PRKN: variants seen among roughly 807,000 people sequenced by gnomAD.
PRKN encodes the protein parkin RBR E3 ubiquitin protein ligase.
Under a neutral mutation model 59.5 loss-of-function variants are expected in PRKN, and 56 were observed. That is an observed-to-expected ratio of 0.94 (90% CI 0.76 to 1.18). The LOEUF (loss-of-function observed/expected upper bound fraction) is 1.18, where lower values mean the gene tolerates loss of function less well. PRKN is among the 50% of genes most tolerant of loss of function. The pLI, the probability that PRKN is intolerant of heterozygous loss-of-function variation, is 0.00. For missense variants in PRKN, 657 were observed against 596.4 expected, an observed-to-expected ratio of 1.10 and a Z score of -1.06; for synonymous variants, 250 against 222.1, an observed-to-expected ratio of 1.13 and a Z score of -1.12.
intron 6 of PRKN, among the ~76,000 whole-genome samples, chr6:161,848,330 T>C (rs753195100): frequency 6.6e-6 from 1 of 152,218 alleles, no homozygotes; most frequent in Non-Finnish European, 1.5e-5. Flanking sequence ...GTCACAAATA[T>C]CTGGATAATT....
chr6:161,890,550 G>T (rs950482322), intron 6 of PRKN, among the ~76,000 whole-genome samples: 1 of 152,190 alleles, frequency 6.6e-6, no homozygotes, highest in Admixed American at 6.5e-5. Flanking sequence ...CATGCGGCCG[G>T]ATTTAAGCCT....
intron 5 of PRKN, among the ~76,000 whole-genome samples, chr6:161,984,993 T>C (rs1487739332): frequency 6.6e-6 from 1 of 152,148 alleles, no homozygotes; most frequent in Non-Finnish European, 1.5e-5. Flanking sequence ...ACAGCAACCA[T>C]GTTTTTTTCT....
At chr6:161,877,521 G>A (rs527392766) in intron 6 of PRKN, among the ~76,000 whole-genome samples, 38 of 150,514 alleles carry the variant, frequency 2.5e-4, no homozygotes, top group Middle Eastern at 3.2e-3. Context: ...GTGCAGTGGC[G>A]CGATCTCAGC....
At chr6:162,168,066 T>C (rs1159423774) in intron 4 of PRKN, among the ~76,000 whole-genome samples, 1 of 152,146 alleles carries the variant, frequency 6.6e-6, no homozygotes, top group Non-Finnish European at 1.5e-5. Context: ...TTAGGGGCAA[T>C]CTGCTCTTCT....
intron 6 of PRKN, among the ~76,000 whole-genome samples, chr6:161,903,907 A>G (rs1778031059): frequency 6.6e-6 from 1 of 151,620 alleles, no homozygotes; most frequent in Non-Finnish European, 1.5e-5. Flanking sequence ...CTATGGCTGC[A>G]GTTTCGTCTG....
intron 2 of PRKN, among the ~76,000 whole-genome samples, chr6:162,437,940 T>C (rs1411849242): frequency 6.6e-6 from 1 of 152,186 alleles, no homozygotes; most frequent in African/African-American, 2.4e-5. Flanking sequence ...CTAGGATAAA[T>C]AACTAAGAGT....
chr6:162,571,045 T>C (rs9458607), intron 1 of PRKN, among the ~76,000 whole-genome samples: 80,746 of 151,910 alleles, frequency 0.53, 21,762 homozygotes, highest in East Asian at 0.71. Context: ...ATCTCATGGC[T>C]GGGCACAGTG....
At chr6:162,073,426 T>C (rs1778668501) in intron 4 of PRKN, among the ~76,000 whole-genome samples, 1 of 152,140 alleles carries the variant, frequency 6.6e-6, no homozygotes, top group South Asian at 2.1e-4. Flanking sequence ...ACTACCTCTA[T>C]AGCTTTGGGT....
At chr6:162,588,752 C>T (rs371236645) in intron 1 of PRKN, among the ~76,000 whole-genome samples, 4 of 152,054 alleles carry the variant, frequency 2.6e-5, no homozygotes, top group African/African-American at 4.8e-5. Flanking sequence ...TGGGTTTCAC[C>T]GTGTTAGCCA....
chr6:162,026,742 C>T (rs1011343598), intron 5 of PRKN, among the ~76,000 whole-genome samples: 8 of 151,974 alleles, frequency 5.3e-5, no homozygotes, highest in African/African-American at 1.7e-4. Flanking sequence ...TGCTGTTGTA[C>T]GTTCTCCAAC....
At chr6:162,363,560 A>G (rs987878019) in intron 2 of PRKN, among the ~76,000 whole-genome samples, 3 of 152,132 alleles carry the variant, frequency 2.0e-5, no homozygotes, top group African/African-American at 4.8e-5. Flanking sequence ...TTTCATTTCT[A>G]TGCTACTTTT....
At chr6:162,576,209 A>G (rs1780548357) in intron 1 of PRKN, among the ~76,000 whole-genome samples, 1 of 152,140 alleles carries the variant, frequency 6.6e-6, no homozygotes, top group Non-Finnish European at 1.5e-5. Context: ...TGTACCATTG[A>G]ACATGCAGTT....
chr6:161,357,987 C>A lies in PRKN; in HGVS notation c.1285+2101G>T, dbSNP rs1784827640. On this transcript the variant is annotated intron_variant, in intron 11 of 11. Coordinates refer to ENST00000366898, the MANE Select transcript of PRKN (RefSeq NM_004562.3). This position sits in a 1 kb window ranked among gnomAD's most constrained non-coding sequence, Gnocchi z 5.5. ...ACTCCTGCAACACTGCAGTGCCGGG[C>A]TGTGTGAAGCTTTACCACCGATTTA... Among the ~76,000 whole-genome samples the A allele has an allele frequency of 6.6e-6, 1 of 152,200 alleles. No individual in the cohort carries two copies. The highest frequency in any genetic ancestry group is 2.4e-5 in the African/African-American group (1 of 41,442).
chr6:162,451,263 G>C (rs927754693), intron 1 of PRKN, among the ~76,000 whole-genome samples: 1 of 150,706 alleles, frequency 6.6e-6, no homozygotes, highest in Non-Finnish European at 1.5e-5. Flanking sequence ...AACCATTCTC[G>C]GAGAAAAGAA....
intron 4 of PRKN, among the ~76,000 whole-genome samples, chr6:162,134,032 A>G (rs1385132874): frequency 1.3e-5 from 2 of 152,218 alleles, no homozygotes; most frequent in African/African-American, 4.8e-5. Context: ...ATGCTACAAC[A>G]AGATTCTGTC....
chr6:161,975,085 CTTT>C (rs769121865), intron 5 of PRKN, among the ~76,000 whole-genome samples: 133 of 124,462 alleles, frequency 1.1e-3, no homozygotes, highest in Middle Eastern at 9.5e-3. Context: ...ACATATACTT[CTTT>C]TTTTTTTTTT....
chr6:161,860,599 T>G (rs1267367443), intron 6 of PRKN, among the ~76,000 whole-genome samples: 1 of 152,174 alleles, frequency 6.6e-6, no homozygotes, highest in Non-Finnish European at 1.5e-5. Flanking sequence ...AGTCTGTTTT[T>G]TTTCTTGTAA....
chr6:161,670,230 G>C (rs954236954), intron 7 of PRKN, among the ~76,000 whole-genome samples: 22 of 152,286 alleles, frequency 1.4e-4, no homozygotes, highest in African/African-American at 5.3e-4. Context: ...AGGACTTTAG[G>C]AGAGGAGGTA....
intron 1 of PRKN, among the ~76,000 whole-genome samples, chr6:162,684,853 T>C (rs1373394866): frequency 7.2e-5 from 11 of 152,110 alleles, no homozygotes; most frequent in Non-Finnish European, 1.6e-4. Context: ...ATCTGTAAAA[T>C]ATACAAATAA....
Sources: allele counts gnomAD v4.1 joint callset (sites outside exome capture counted in the v4.1 genomes callset), GRCh38; gene constraint gnomAD v4.1.1; non-coding constraint Gnocchi (gnomAD v3.1); transcripts MANE v1.5; gene names NCBI Gene and HGNC (gene_info 2026-07-23, HGNC 2026-07-21).